ATIC: variants seen among roughly 807,000 people sequenced by gnomAD.
The protein encoded by ATIC is bifunctional purine biosynthesis protein ATIC.
In ATIC, 64 loss-of-function variants were observed where a neutral mutation model predicts 72.5. The ratio of observed to expected loss-of-function variants is 0.88; its 90% CI spans 0.72 to 1.09. The LOEUF (loss-of-function observed/expected upper bound fraction) is 1.09. Among genes scored for constraint, ATIC ranks in the 50% least tolerant of loss-of-function variants. ATIC has a pLI of 0.00. For missense variants in ATIC, 787 were observed against 732.4 expected, an observed-to-expected ratio of 1.07 and a Z score of -0.86; for synonymous variants, 281 against 267.1, an observed-to-expected ratio of 1.05 and a Z score of -0.51.
intron 12 of ATIC, among the ~76,000 whole-genome samples, chr2:215,339,154 A>G (rs200472708): frequency 1.1e-4 from 10 of 92,968 alleles, no homozygotes; most frequent in African/African-American, 3.7e-4. Context: ...AAATGGGATC[A>G]TGTCTTCCAT....
chr2:215,366,178 G>T, the ATIC span, among the ~76,000 whole-genome samples: 1 of 151,878 alleles, frequency 6.6e-6, no homozygotes, highest in African/African-American at 2.4e-5. Flanking sequence ...CCATTTTCTA[G>T]GGCATTTTAA....
At position 215,333,538 on chromosome 2, in the gene ATIC, AAAG is replaced by A. The variant is rs548532543; in HGVS notation, c.922+84_922+86del. On this transcript the variant is annotated intron_variant, in intron 9 of 15. Transcript: ENST00000236959. ...CTAAATAGAATAAAGAGGATAGAAT[AAAG>A]AAAAAATATATAGATATTCTGTATA... is the stretch of plus-strand genomic sequence containing the variant. 610 of 1,104,920 alleles carry A rather than the reference AAAG, an allele frequency of 5.5e-4. 1 individual carries two copies. Among genetic ancestry groups the A allele is most frequent in the Non-Finnish European group, 7.6e-4 (578 of 763,424 alleles). The allele number at this position is 1,104,920 out of a possible 1,614,324, so 68.4% of individuals were successfully genotyped here. A position where few individuals can be genotyped will look rare whatever the true frequency, so the allele number is the denominator to read the frequency against.
the ATIC span, among the ~76,000 whole-genome samples, chr2:215,357,337 C>T: frequency 2.0e-5 from 3 of 152,176 alleles, no homozygotes; most frequent in Non-Finnish European, 2.9e-5. Flanking sequence ...GGGCACTTGA[C>T]GCCAGCCCCA....
intron 3 of ATIC, among the ~76,000 whole-genome samples, chr2:215,318,903 G>A (rs574544989): frequency 1.1e-4 from 17 of 151,214 alleles, no homozygotes; most frequent in African/African-American, 4.1e-4. Flanking sequence ...TTTTGAGACA[G>A]GATTATACTC....
chr2:215,344,767 T>C lies in ATIC; in HGVS notation c.1228-12T>C, dbSNP rs764418765. 1 of 1,611,032 alleles carries C rather than the reference T, an allele frequency of 6.2e-7. No individual in the cohort carries two copies. The highest frequency in any genetic ancestry group is 1.1e-5 in the South Asian group (1 of 91,006). On this transcript the variant is annotated splice_polypyrimidine_tract_variant and intron_variant, in intron 12 of 15. Transcript: ENST00000236959. Reference sequence around the variant, plus strand: ...AGGCCCCATGCAATTTACCATTGTGTATGTGTTTCAGTTGCCAGAGTCTGC... The same window carrying C: ...AGGCCCCATGCAATTTACCATTGTGCATGTGTTTCAGTTGCCAGAGTCTGC...
downstream of ATIC, among the ~76,000 whole-genome samples, chr2:215,352,928 C>G (rs2053141765): frequency 6.6e-6 from 1 of 152,154 alleles, no homozygotes; most frequent in African/African-American, 2.4e-5. Context: ...TTAATTTGTG[C>G]CTCTGCTCCT....
chr2:215,334,186 A>C (rs1029284182), intron 9 of ATIC, among the ~76,000 whole-genome samples: 3 of 115,788 alleles, frequency 2.6e-5, no homozygotes, highest in African/African-American at 9.1e-5. Context: ...ACAAAAAGCT[A>C]TTCTTTTTTT....
the ATIC span, among the ~76,000 whole-genome samples, chr2:215,357,620 T>C: frequency 6.6e-6 from 1 of 152,244 alleles, no homozygotes; most frequent in Admixed American, 6.5e-5. Flanking sequence ...TTATTACATC[T>C]TTTCTTCATT....
chr2:215,365,081 C>T, the ATIC span: 6 of 782,332 alleles, frequency 7.7e-6, no homozygotes, highest in Admixed American at 2.0e-5. Context: ...AAATTTGTAT[C>T]ATCACAGCGC....
intron 3 of ATIC, among the ~76,000 whole-genome samples, chr2:215,319,369 C>G (rs1018684189): frequency 1.3e-5 from 2 of 151,968 alleles, no homozygotes; most frequent in African/African-American, 4.8e-5. Context: ...GCAACACCCC[C>G]CTTCTCTTTA....
chr2:215,330,394 T>TA (rs1559272625), intron 7 of ATIC, among the ~76,000 whole-genome samples: 1 of 152,154 alleles, frequency 6.6e-6, no homozygotes, highest in Non-Finnish European at 1.5e-5. Flanking sequence ...ACAGAAAAAA[T>TA]ACACGGTGAT....
At chr2:215,360,645 T>C in the ATIC span, 2 of 152,536 alleles carry the variant, frequency 1.3e-5, no homozygotes, top group African/African-American at 4.8e-5. Flanking sequence ...CACTTAAATC[T>C]ATTAAAGCAG....
intron 11 of ATIC, among the ~76,000 whole-genome samples, chr2:215,338,240 A>G (rs1455462728): frequency 6.6e-6 from 1 of 152,236 alleles, no homozygotes; most frequent in East Asian, 1.9e-4. Flanking sequence ...AGTAAATGAT[A>G]CAAATTCCTT....
intron 10 of ATIC, 115 bp downstream of exon 10, chr2:215,335,119 TAA>T (rs2052940494): frequency 3.7e-6 from 2 of 534,132 alleles, no homozygotes; most frequent in East Asian, 3.8e-5. Flanking sequence ...TTTAATTAGC[TAA>T]GTTTATCATT....
intron 7 of ATIC, among the ~76,000 whole-genome samples, chr2:215,329,211 T>C (rs1275367191): frequency 6.6e-6 from 1 of 152,246 alleles, no homozygotes; most frequent in Non-Finnish European, 1.5e-5. Context: ...ACCTATTTCC[T>C]GCTTATAGTT....
chr2:215,326,331 G>A (rs1163643106), intron 6 of ATIC, among the ~76,000 whole-genome samples, 193 bp downstream of exon 6: 1 of 152,118 alleles, frequency 6.6e-6, no homozygotes, highest in African/African-American at 2.4e-5. Context: ...AGAGCTGGGC[G>A]CGGTGGCTCA....
the ATIC span, chr2:215,365,055 G>T: frequency 1.0e-6 from 1 of 1,004,316 alleles, no homozygotes. Context: ...CTAGGGGTGG[G>T]TTCTATTTCT....
intron 1 of ATIC, 151 bp downstream of exon 1, chr2:215,312,312 G>C (rs2052661465): frequency 6.9e-7 from 1 of 1,454,040 alleles, no homozygotes; most frequent in Non-Finnish European, 9.2e-7. Flanking sequence ...GCCGCAGCCT[G>C]CGTGGGGCCC....
intron 12 of ATIC, among the ~76,000 whole-genome samples, chr2:215,340,642 A>G (rs943384229): frequency 6.6e-6 from 1 of 152,132 alleles, no homozygotes; most frequent in Non-Finnish European, 1.5e-5. Context: ...TCTGTCAGGA[A>G]TTGTTGAGCT....
Sources: gnomAD v4.1 joint callset for allele counts (sites outside exome capture counted in the v4.1 genomes callset) on GRCh38, gnomAD v4.1.1 for gene constraint, MANE v1.5 for transcripts, NCBI Gene and HGNC (gene_info 2026-07-23, HGNC 2026-07-21) for gene names.